The following PRKCA variants were observed in gnomAD, a reference collection of about 807,000 sequenced individuals.
The protein encoded by PRKCA is protein kinase C alpha, also known as protein kinase C alpha type.
Under a neutral mutation model 87.0 loss-of-function variants are expected in PRKCA, and 27 were observed. The ratio of observed to expected loss-of-function variants is 0.31; its 90% CI spans 0.23 to 0.43. PRKCA has a LOEUF of 0.43. PRKCA is among the 20% of genes least tolerant of loss of function. PRKCA has a pLI of 1.00. For missense variants in PRKCA, 518 were observed against 852.3 expected, an observed-to-expected ratio of 0.61 and a Z score of 4.88; for synonymous variants, 329 against 311.1, an observed-to-expected ratio of 1.06 and a Z score of -0.61.
At chr17:66,506,362 T>TA (rs748147565) in intron 3 of PRKCA, among the ~76,000 whole-genome samples, 38 of 151,106 alleles carry the variant, frequency 2.5e-4, no homozygotes, top group East Asian at 7.8e-4. Context: ...TTTCTTAAAT[T>TA]AAAAAAAAAG....
At chr17:66,326,925 A>T (rs989299221) in intron 2 of PRKCA, among the ~76,000 whole-genome samples, 1 of 152,182 alleles carries the variant, frequency 6.6e-6, no homozygotes, top group Non-Finnish European at 1.5e-5. Flanking sequence ...AAAAATCACC[A>T]GGCATGGTGG....
At chr17:66,742,238 A>G (rs765150595) in intron 12 of PRKCA, among the ~76,000 whole-genome samples, 13 of 152,232 alleles carry the variant, frequency 8.5e-5, no homozygotes, top group Non-Finnish European at 1.6e-4. Flanking sequence ...GACCCAGTGA[A>G]GTGGTTCTAA....
Position 66,736,132 on chromosome 17 carries a change from T to A in PRKCA, c.1230+470T>A, listed in dbSNP as rs61761461. 2.4e-3 allele frequency among the ~76,000 whole-genome samples: 362 copies of A among 151,884 alleles called. 1 individual carries two copies. The highest frequency in any genetic ancestry group is 8.3e-3 in the African/African-American group (346 of 41,444). On this transcript the variant is annotated intron_variant, in intron 10 of 16. Coordinates refer to ENST00000413366, the MANE Select transcript of PRKCA (RefSeq NM_002737.3). Reference sequence around the variant, plus strand: ...CCTGAGCTCAAACGATCCCCCTACGTTGGCCTCCTAAAGTGCTGGGACTAC... The same window carrying A: ...CCTGAGCTCAAACGATCCCCCTACGATGGCCTCCTAAAGTGCTGGGACTAC...
intron 2 of PRKCA, among the ~76,000 whole-genome samples, chr17:66,323,468 T>C (rs1332647017): frequency 6.6e-6 from 1 of 152,234 alleles, no homozygotes. Context: ...TAAATTTTGC[T>C]GTATCTAAAA....
intron 8 of PRKCA, among the ~76,000 whole-genome samples, chr17:66,710,874 CA>C (rs552452025): frequency 1.3e-3 from 183 of 143,162 alleles, no homozygotes; most frequent in Middle Eastern, 3.5e-3. Context: ...TACCAAAAAA[CA>C]AAAAAAAAAA....
At chr17:66,570,933 A>G (rs1349176357) in intron 3 of PRKCA, among the ~76,000 whole-genome samples, 2 of 152,160 alleles carry the variant, frequency 1.3e-5, no homozygotes, top group African/African-American at 2.4e-5. Context: ...AATAATATTA[A>G]ATCTACATAT....
At chr17:66,365,734 A>G (rs537228698) in intron 2 of PRKCA, among the ~76,000 whole-genome samples, 3 of 152,232 alleles carry the variant, frequency 2.0e-5, no homozygotes, top group Non-Finnish European at 4.4e-5. Context: ...AAACAGACGT[A>G]TGAATGTTTA....
intron 2 of PRKCA, among the ~76,000 whole-genome samples, chr17:66,410,701 G>A (rs1911739005): frequency 6.6e-6 from 1 of 151,922 alleles, no homozygotes; most frequent in Non-Finnish European, 1.5e-5. Flanking sequence ...TCAGCCTCCC[G>A]AGTAGCTGGG....
intron 5 of PRKCA, chr17:66,676,676 C>G (rs115629501): frequency 7.2e-4 from 110 of 152,290 alleles, no homozygotes; most frequent in African/African-American, 2.6e-3. Flanking sequence ...CAGGTCACAG[C>G]CAGATCAGAT....
intron 3 of PRKCA, among the ~76,000 whole-genome samples, chr17:66,555,618 G>T (rs953777129): frequency 6.6e-6 from 1 of 152,092 alleles, no homozygotes; most frequent in Admixed American, 6.6e-5. Flanking sequence ...TAGACAACTT[G>T]TAGCCTAGAT....
intron 5 of PRKCA, among the ~76,000 whole-genome samples, chr17:66,668,468 A>G (rs1203030196): frequency 6.6e-6 from 1 of 152,216 alleles, no homozygotes; most frequent in Admixed American, 6.5e-5. Context: ...TGAATTGGAT[A>G]TGATCCTACC....
At chr17:66,349,970 A>G (rs1907640919) in intron 2 of PRKCA, among the ~76,000 whole-genome samples, 2 of 151,968 alleles carry the variant, frequency 1.3e-5, no homozygotes, top group Admixed American at 1.3e-4. Flanking sequence ...GGTTAAAAAA[A>G]AAGTCCACCC....
chr17:66,794,616 G>T (rs955267657), intron 16 of PRKCA, among the ~76,000 whole-genome samples: 2 of 139,982 alleles, frequency 1.4e-5, no homozygotes, highest in African/African-American at 2.7e-5. Context: ...TTTTGGGGGG[G>T]GTTTTTTGTT....
intron 13 of PRKCA, among the ~76,000 whole-genome samples, chr17:66,753,354 C>T (rs566937148): frequency 1.3e-5 from 2 of 152,348 alleles, no homozygotes; most frequent in Admixed American, 6.5e-5. Flanking sequence ...GCCCTGCTGG[C>T]GTATGCACTC....
intron 3 of PRKCA, among the ~76,000 whole-genome samples, chr17:66,535,285 A>G (rs1488439558): frequency 6.6e-6 from 1 of 152,162 alleles, no homozygotes; most frequent in Non-Finnish European, 1.5e-5. Context: ...GGGAAAACTC[A>G]CCAAGGATGA....
intron 14 of PRKCA, among the ~76,000 whole-genome samples, chr17:66,782,458 C>G (rs970806163): frequency 1.3e-5 from 2 of 152,150 alleles, no homozygotes; most frequent in Non-Finnish European, 2.9e-5. Flanking sequence ...CCACCTTCAA[C>G]CAGCAGGAAT....
At chr17:66,675,531 A>C (rs553502886) in intron 5 of PRKCA, among the ~76,000 whole-genome samples, 2 of 152,300 alleles carry the variant, frequency 1.3e-5, no homozygotes, top group African/African-American at 4.8e-5. Flanking sequence ...GTCCCTGCAG[A>C]ACCAGGCTCT....
chr17:66,763,316 G>A (rs1974726441), intron 13 of PRKCA, among the ~76,000 whole-genome samples: 1 of 152,184 alleles, frequency 6.6e-6, no homozygotes, highest in Admixed American at 6.5e-5. Flanking sequence ...GTTGAGTAGG[G>A]GCAGACAGTC....
intron 14 of PRKCA, among the ~76,000 whole-genome samples, chr17:66,782,830 G>A (rs1302341304): frequency 4.6e-5 from 7 of 152,182 alleles, no homozygotes; most frequent in Non-Finnish European, 7.3e-5. Flanking sequence ...TGGGGCAGGC[G>A]GAATTGCTCA....
Sources: allele counts gnomAD v4.1 joint callset (sites outside exome capture counted in the v4.1 genomes callset), GRCh38; gene constraint gnomAD v4.1.1; transcripts MANE v1.5; gene names NCBI Gene and HGNC (gene_info 2026-07-23, HGNC 2026-07-21).